The following PRDM5 variants were observed in gnomAD, a reference collection of about 807,000 sequenced individuals.
PRDM5 encodes PR/SET domain 5.
Under a neutral mutation model 81.2 loss-of-function variants are expected in PRDM5, and 56 were observed. The observed-to-expected ratio is 0.69, with a 90% confidence interval of 0.56 to 0.86. The LOEUF (loss-of-function observed/expected upper bound fraction) is 0.86, where lower values mean the gene tolerates loss of function less well. PRDM5 is among the 40% of genes least tolerant of loss of function. The pLI is 0.00. For missense variants in PRDM5, 697 were observed against 770.1 expected (o/e 0.91, Z 1.12); for synonymous variants, 267 against 256.4 (o/e 1.04, Z -0.39).
At chr4:120,809,804 T>C (rs1753573902) in intron 8 of PRDM5, among the ~76,000 whole-genome samples, 1 of 152,184 alleles carries the variant, frequency 6.6e-6, no homozygotes, top group African/African-American at 2.4e-5. Flanking sequence ...GGCTGAATAG[T>C]GAAGGACTAT....
intron 14 of PRDM5, among the ~76,000 whole-genome samples, chr4:120,750,037 C>T (rs1207972841): frequency 1.3e-5 from 2 of 151,934 alleles, no homozygotes; most frequent in Non-Finnish European, 2.9e-5. Flanking sequence ...CTACAGAATA[C>T]AGTAGTCACC....
intron 14 of PRDM5, among the ~76,000 whole-genome samples, chr4:120,731,400 A>G (rs1006035781): frequency 6.9e-6 from 1 of 144,878 alleles, no homozygotes; most frequent in Non-Finnish European, 1.5e-5. Flanking sequence ...AAATTTACTT[A>G]TGGGTAAGAG....
chr4:120,771,570 A>T (rs1747303398), intron 13 of PRDM5, among the ~76,000 whole-genome samples: 1 of 152,202 alleles, frequency 6.6e-6, no homozygotes, highest in South Asian at 2.1e-4. Flanking sequence ...CCATGATTTT[A>T]AGTATGCCAA....
chr4:120,885,134 C>CA (rs60623556), intron 2 of PRDM5, among the ~76,000 whole-genome samples: 12,871 of 50,466 alleles, frequency 0.26, 1,583 homozygotes, highest in African/African-American at 0.31. Flanking sequence ...GACTCCGTAT[C>CA]AAAAAAAAAA....
chr4:120,848,098 AG>A (rs546606058), intron 3 of PRDM5, among the ~76,000 whole-genome samples: 46 of 152,340 alleles, frequency 3.0e-4, no homozygotes, highest in African/African-American at 1.1e-3. Flanking sequence ...AGGAGACAAA[AG>A]GAAAAAGAAA....
intron 2 of PRDM5, among the ~76,000 whole-genome samples, chr4:120,860,092 G>T (rs1203943267): frequency 6.6e-6 from 1 of 152,114 alleles, no homozygotes; most frequent in Non-Finnish European, 1.5e-5. Flanking sequence ...TATTAAGAAA[G>T]GTCTCATGAT....
chr4:120,920,746 G>C (rs1006157476), intron 1 of PRDM5, among the ~76,000 whole-genome samples: 2 of 152,178 alleles, frequency 1.3e-5, no homozygotes, highest in African/African-American at 4.8e-5. Flanking sequence ...CATTCACTTT[G>C]AAATACAGCG....
At chr4:120,687,659 C>A (rs887207790), downstream of PRDM5, among the ~76,000 whole-genome samples, 7 of 152,114 alleles carry the variant, frequency 4.6e-5, no homozygotes, top group Admixed American at 1.3e-4. Flanking sequence ...TGTCCCCTCT[C>A]AAATTCATGT....
chr4:120,685,403 G>A (rs1179395790), intron 1 of PRDM5, among the ~76,000 whole-genome samples: 2 of 152,046 alleles, frequency 1.3e-5, no homozygotes, highest in Non-Finnish European at 2.9e-5. Context: ...CATTAATAAA[G>A]TATTATGTGT....
chr4:120,883,952 GA>G (rs1763126297), intron 2 of PRDM5, among the ~76,000 whole-genome samples: 1 of 152,078 alleles, frequency 6.6e-6, no homozygotes, highest in Non-Finnish European at 1.5e-5. Context: ...TAAATATACT[GA>G]AAACTAATGA....
At chr4:120,721,088 A>T (rs1013443205) in intron 14 of PRDM5, among the ~76,000 whole-genome samples, 1 of 152,200 alleles carries the variant, frequency 6.6e-6, no homozygotes, top group African/African-American at 2.4e-5. Flanking sequence ...AAGTCCTGTC[A>T]CTTGCATAGA....
intron 15 of PRDM5, among the ~76,000 whole-genome samples, chr4:120,699,273 T>G (rs1384529528): frequency 6.7e-6 from 1 of 149,552 alleles, no homozygotes; most frequent in Non-Finnish European, 1.5e-5. Flanking sequence ...TGTCATTATA[T>G]TTTATCTCAA....
At chr4:120,805,222 C>CA (rs2055682631) in intron 8 of PRDM5, among the ~76,000 whole-genome samples, 2 of 151,876 alleles carry the variant, frequency 1.3e-5, no homozygotes, top group African/African-American at 4.8e-5. Context: ...GCCTACCAAC[C>CA]AAAAAAAGTC....
chr4:120,742,709 C>T (rs890334205), intron 14 of PRDM5, among the ~76,000 whole-genome samples: 15 of 151,826 alleles, frequency 9.9e-5, no homozygotes, highest in East Asian at 3.9e-4. Flanking sequence ...TGAAATGAAG[C>T]GAGAAGGAAA....
chr4:120,754,576 T>C lies in PRDM5; in HGVS notation c.1600A>G (p.Met534Val), dbSNP rs781373883. ...KGFSKNDGLKMHIRTHTREKP... is the reference protein window; with the variant it reads ...KGFSKNDGLKVHIRTHTREKP... ...ACCCTGGTGTGAGTACGAATGTGCA[T>C]CTTCAGTCCATCATTTTTACTGAAT... The change falls in exon 14 of 16, where the codon ATG becomes GTG. Residue 534 changes from methionine to valine, a missense_variant. Met to Val is a conservative substitution (Grantham distance 21). Transcript: ENST00000264808. 2 of 1,591,302 alleles carry C rather than the reference T, an allele frequency of 1.3e-6. No individual in the cohort carries two copies. Among genetic ancestry groups the C allele is most frequent in the Admixed American group, 1.7e-5 (1 of 59,984 alleles).
intron 3 of PRDM5, among the ~76,000 whole-genome samples, chr4:120,845,942 G>A (rs1758607010): frequency 6.6e-6 from 1 of 152,166 alleles, no homozygotes; most frequent in African/African-American, 2.4e-5. Flanking sequence ...AACTTCAGGA[G>A]AAGTAACTGC....
At chr4:120,686,428 AG>A (rs1342335168) in intron 1 of PRDM5, among the ~76,000 whole-genome samples, 8 of 152,140 alleles carry the variant, frequency 5.3e-5, no homozygotes, top group Non-Finnish European at 2.9e-5. Context: ...CCTCAGTTAA[AG>A]CAAAACTGTT....
chr4:120,697,483 T>C (rs1734656069), intron 15 of PRDM5, among the ~76,000 whole-genome samples: 1 of 152,026 alleles, frequency 6.6e-6, no homozygotes. Context: ...TAATCAGATT[T>C]AGAAATATTT....
intron 3 of PRDM5, chr4:120,838,592 G>A (rs1232058542): frequency 6.6e-6 from 1 of 152,376 alleles, no homozygotes; most frequent in East Asian, 1.9e-4. Flanking sequence ...GCTGGGGATG[G>A]TTTTGGGATA....
Sources: gnomAD v4.1 joint callset for allele counts (sites outside exome capture counted in the v4.1 genomes callset) on GRCh38, gnomAD v4.1.1 for gene constraint, MANE v1.5 for transcripts, NCBI Gene and HGNC (gene_info 2026-07-23, HGNC 2026-07-21) for gene names.